Variants in NACA observed in about 807,000 individuals in gnomAD.
The protein encoded by NACA is nascent polypeptide associated complex subunit alpha.
NACA carries 42 observed loss-of-function variants against 86.4 expected under a neutral mutation model. The observed-to-expected ratio is 0.49, with a 90% CI of 0.38 to 0.63. NACA has a LOEUF of 0.63. Ranked by LOEUF, NACA falls within the 20% of genes least tolerant of loss-of-function variation. The probability of loss-of-function intolerance (pLI) is 0.00; values close to 1 mark genes in which losing one functional copy is unlikely to be tolerated. For synonymous variants in NACA, 898 were observed against 973.7 expected (o/e 0.92, Z 1.45); for missense variants, 2,157 against 2,483.6 (o/e 0.87, Z 2.80).
rs760619114 is a variant in NACA, at chr12:56,718,441, T to C, written c.3089A>G (p.Lys1030Arg). ...TGCAGCTGGGGGTGTGGATGCCCCTTTGGGGAATGGGGTAGCTGCTGGACT... is the reference window on the plus strand; with the variant it reads ...TGCAGCTGGGGGTGTGGATGCCCCTCTGGGGAATGGGGTAGCTGCTGGACT... Reference protein sequence around the residue: ...KGSPAATPFPKGASTPPAATP... With the variant: ...KGSPAATPFPRGASTPPAATP... Residue 1030 changes from lysine (K) to arginine (R), a missense_variant, in exon 3 of 9, where the codon AAA becomes AGA. Lys to Arg is a conservative substitution (Grantham distance 26, BLOSUM62 2). Transcript: ENST00000454682. 1.7e-6 allele frequency: 2 copies of C among 1,208,150 alleles called. No homozygotes were observed. Among genetic ancestry groups the C allele is most frequent in the Non-Finnish European group, 2.1e-6 (2 of 959,420 alleles). 74.8% of individuals were successfully genotyped at this position (1,208,150 alleles called of 1,614,324 possible). A position where few individuals can be genotyped will look rare whatever the true frequency, so the allele number is the denominator to read the frequency against.
chr12:56,724,324 C>T, intron 2 of NACA, 128 bp downstream of exon 2: 3 of 794,220 alleles, frequency 3.8e-6, no homozygotes, highest in African/African-American at 1.8e-5. Flanking sequence ...AGTAATTTTA[C>T]GGTCTATCCT....
In NACA at chr12:56,717,466, G is replaced by T. The variant is rs1953408717; in HGVS notation, c.4064C>A (p.Ser1355Tyr). ...GTPTLPATTP[S>Y]SKGGPTTPSS... is the part of the protein sequence containing the mutation. ...TGGAGTAGTTGGGCCTCCTTTAGAG[G>T]AGGGAGTTGTAGCTGGGAGAGTAGG... is the stretch of plus-strand genomic sequence containing the variant. Residue 1355 changes from serine to tyrosine, a missense_variant, in exon 3 of 9, where the codon TCC becomes TAC. Transcript: ENST00000454682. The T allele has an allele frequency of 7.2e-7, 1 of 1,383,040 alleles. No homozygotes were observed. The highest frequency in any genetic ancestry group is 1.5e-5 in the African/African-American group (1 of 68,326). 85.7% of individuals were successfully genotyped at this position (1,383,040 alleles called of 1,614,324 possible).
chr12:56,714,158 T>G, intron 5 of NACA: 1 of 563,602 alleles, frequency 1.8e-6, no homozygotes, highest in Non-Finnish European at 3.1e-6. Flanking sequence ...TTCTGTTACT[T>G]TCAACGGGAT....
rs76782323 is a variant in NACA, at chr12:56,724,358, C to T, written c.70+94G>A. ...CTCCTTGGTAAAGCTGCAACCCCAT[C>T]CTCCTAAAAAGTGTATTTCCCCTTG... is the stretch of plus-strand genomic sequence containing the variant. On this transcript the variant is annotated intron_variant, in intron 2 of 8. Coordinates refer to ENST00000454682, the MANE Select transcript of NACA (RefSeq NM_001365896.1). The T allele has an allele frequency of 2.9e-3, 3,631 of 1,258,252 alleles. 85 individuals are homozygous for T. The African/African-American group carries it at 0.049, about 17-fold the overall frequency. The allele number at this position is 1,258,252 out of a possible 1,614,324, so 77.9% of individuals were successfully genotyped here.
intron 3 of NACA, among the ~76,000 whole-genome samples, chr12:56,715,628 G>T (rs2926748): frequency 8.6e-5 from 13 of 151,706 alleles, no homozygotes; most frequent in Non-Finnish European, 1.2e-4. Context: ...AGGGTAGTCC[G>T]GGCCACATTA....
In NACA at chr12:56,716,583, G is replaced by T; in HGVS notation, c.4947C>A (p.Asp1649Glu). ...TGACAGAAGCTGGGGAAGTAGGGGA[G>T]TCTTTGAGGGAGGAAGGAGTCACAG... ...SPPVTPSSLK[D>E]SPTSPASVTC... The change falls in exon 3 of 9, where the codon GAC becomes GAA. Residue 1649 changes from aspartate to glutamate, a missense_variant. By Grantham distance (45) the Asp-to-Glu change is conservative (BLOSUM62 2). Transcript: ENST00000454682. 6.9e-7 allele frequency: 1 copy of T among 1,454,972 alleles called. No homozygotes were observed. The highest frequency in any genetic ancestry group is 9.3e-7 in the Non-Finnish European group (1 of 1,076,748). 90.1% of individuals were successfully genotyped at this position (1,454,972 alleles called of 1,614,324 possible).
chr12:56,724,594 T>C (rs1009810884), intron 1 of NACA, 71 bp from the exon 2 acceptor site: 6 of 1,506,146 alleles, frequency 4.0e-6, no homozygotes, highest in East Asian at 4.8e-5. Flanking sequence ...CGGAGATAAG[T>C]ATTCTTAAAA....
At chr12:56,715,840 C>T (rs1168300471) in intron 3 of NACA, 31 bp downstream of exon 3, 17 of 1,498,922 alleles carry the variant, frequency 1.1e-5, no homozygotes, top group Non-Finnish European at 1.4e-5. Flanking sequence ...ACGACAGACA[C>T]ACCATGCACA....
chr12:56,714,296 G>C, intron 5 of NACA, 66 bp downstream of exon 5: 1 of 1,529,006 alleles, frequency 6.5e-7, no homozygotes. Context: ...AAAACCTATG[G>C]AAATAAACAG....
At position 56,717,027 on chromosome 12, in the gene NACA, C is replaced by A; in HGVS notation, c.4503G>T (p.Gly1501=). ...KKAPATPAPM[G]APTLPAVIPS... The stretch of plus-strand genomic sequence containing the variant: ...GAATCACAGCTGGCAGAGTGGGGGC[C>A]CCCATGGGGGCTGGAGTTGCTGGGG... Residue 1501 remains glycine (G), a synonymous_variant, in exon 3 of 9, where the codon GGG becomes GGT. Transcript: ENST00000454682. The A allele has an allele frequency of 7.9e-7, 1 of 1,269,570 alleles. No individual in the cohort carries two copies. The highest frequency in any genetic ancestry group is 1.0e-6 in the Non-Finnish European group (1 of 989,550). The allele number at this position is 1,269,570 out of a possible 1,614,324, so 78.6% of individuals were successfully genotyped here. A position where few individuals can be genotyped will look rare whatever the true frequency, so the allele number is the denominator to read the frequency against.
Position 56,720,058 on chromosome 12 carries a change from T to C in NACA, c.1472A>G (p.Lys491Arg), listed in dbSNP as rs761859107. 1 of 1,613,636 alleles carries C rather than the reference T, an allele frequency of 6.2e-7. No homozygotes were observed. Reference sequence around the variant, plus strand: ...GGTTGCTACTTGAGTAGAAGGCTCTTTGGGAGCCACAGGTGCCATAACCAA... The same window carrying C: ...GGTTGCTACTTGAGTAGAAGGCTCTCTGGGAGCCACAGGTGCCATAACCAA... ...AALVMAPVAPKEPSTQVATTL... is the reference protein window; with the variant it reads ...AALVMAPVAPREPSTQVATTL... The change falls in exon 3 of 9, where the codon AAA becomes AGA. Residue 491 changes from lysine (K) to arginine (R), a missense_variant. Transcript: ENST00000454682.
chr12:56,713,309 G>T, intron 6 of NACA, 119 bp from the exon 7 acceptor site: 1 of 1,342,564 alleles, frequency 7.4e-7, no homozygotes, highest in Non-Finnish European at 1.0e-6. Context: ...GCTTTAAACT[G>T]CTTGCCCTCA....
rs1953488766 is a variant in NACA, at chr12:56,718,966, G to A, written c.2564C>T (p.Ser855Phe). 6.9e-7 allele frequency: 1 copy of A among 1,447,104 alleles called. No individual in the cohort carries two copies. The highest frequency in any genetic ancestry group is 1.4e-5 in the African/African-American group (1 of 71,480). 89.6% of individuals were successfully genotyped at this position (1,447,104 alleles called of 1,614,324 possible). The change falls in exon 3 of 9, where the codon TCT becomes TTT. Residue 855 changes from serine (S) to phenylalanine (F), a missense_variant. Physicochemically the swap from Ser to Phe is radical, Grantham distance 155 (BLOSUM62 -2). Coordinates refer to ENST00000454682, the MANE Select transcript of NACA (RefSeq NM_001365896.1). ...GSKDSPATTH[S>F]PTPPSPKGAP... The stretch of plus-strand genomic sequence containing the variant: ...CCCTTTGGGGGATGGAGGAGTGGGA[G>A]AATGCGTCGTGGCTGGTGAGTCTTT...
chr12:56,715,966 A>T lies in NACA; in HGVS notation c.5564T>A (p.Phe1855Tyr). The change falls in exon 3 of 9, where the codon TTC becomes TAC. Residue 1855 changes from phenylalanine to tyrosine, a missense_variant. Transcript: ENST00000454682. Reference sequence around the variant, plus strand: ...GGGCATGTTGACGAGGACCGACTGGAAAGGCACTCCCCCAGAGATTGGTTC... The same window carrying T: ...GGGCATGTTGACGAGGACCGACTGGTAAGGCACTCCCCCAGAGATTGGTTC... ...PPEPISGGVPFQSVLVNMPTP... is the reference protein window; with the variant it reads ...PPEPISGGVPYQSVLVNMPTP... The T allele has an allele frequency of 3.2e-6, 5 of 1,555,032 alleles. No individual in the cohort carries two copies. Among genetic ancestry groups the T allele is most frequent in the Non-Finnish European group, 4.3e-6 (5 of 1,149,756 alleles).
Position 56,720,386 on chromosome 12 carries a change from C to A in NACA, c.1144G>T (p.Asp382Tyr). The A allele has an allele frequency of 3.1e-6, 5 of 1,613,842 alleles. No individual in the cohort carries two copies. Among genetic ancestry groups the A allele is most frequent in the Non-Finnish European group, 4.2e-6 (5 of 1,179,846 alleles). ...CTAGAGATGGTAGAGGGACCTTTGT[C>A]AACAGATGGAGCCACCACTGGAAAG... ...AAFPVVAPSVDKGPSTISSIT... is the reference protein window; with the variant it reads ...AAFPVVAPSVYKGPSTISSIT... The change falls in exon 3 of 9, where the codon GAC becomes TAC. Residue 382 changes from aspartate (D) to tyrosine (Y), a missense_variant. Physicochemically the swap from Asp to Tyr is radical, Grantham distance 160. Coordinates refer to ENST00000454682, the MANE Select transcript of NACA (RefSeq NM_001365896.1).
In NACA at chr12:56,721,163, T is replaced by C. The variant is rs1353383131; in HGVS notation, c.367A>G (p.Ile123Val). The change falls in exon 3 of 9, where the codon ATA becomes GTA. Residue 123 changes from isoleucine (I) to valine (V), a missense_variant. Physicochemically the swap from Ile to Val is conservative, Grantham distance 29. Coordinates refer to ENST00000454682, the MANE Select transcript of NACA (RefSeq NM_001365896.1). ...GGGGTCCCTTTCAGAGTTGGAGCTATCATGGGAGAGGCTAGAGCTAAGGCA... is the reference window on the plus strand; with the variant it reads ...GGGGTCCCTTTCAGAGTTGGAGCTACCATGGGAGAGGCTAGAGCTAAGGCA... The part of the protein sequence containing the change: ...PAALALASPM[I>V]APTLKGTPSS... 1.9e-6 allele frequency: 3 copies of C among 1,613,684 alleles called. No individual in the cohort carries two copies. Among genetic ancestry groups the C allele is most frequent in the Admixed American group, 3.3e-5 (2 of 59,960 alleles).
chr12:56,717,056 T>C lies in NACA; in HGVS notation c.4474A>G (p.Lys1492Glu). ...KQVATSSSPK[K>E]APATPAPMGA... The stretch of plus-strand genomic sequence containing the variant: ...ATGGGGGCTGGAGTTGCTGGGGCCT[T>C]TTTGGGAGAGGAAGAAGTGGCAACT... The change falls in exon 3 of 9, where the codon AAG becomes GAG. Residue 1492 changes from lysine to glutamate, a missense_variant. Physicochemically the swap from Lys to Glu is moderately conservative, Grantham distance 56. Transcript: ENST00000454682. 3 of 1,225,082 alleles carry C rather than the reference T, an allele frequency of 2.4e-6. No individual in the cohort carries two copies. Among genetic ancestry groups the C allele is most frequent in the Non-Finnish European group, 3.1e-6 (3 of 964,714 alleles). 75.9% of individuals were successfully genotyped at this position (1,225,082 alleles called of 1,614,324 possible).
At chr12:56,714,163 CG>C in intron 5 of NACA, 198 bp downstream of exon 5, 1 of 568,396 alleles carries the variant, frequency 1.8e-6, no homozygotes, top group Admixed American at 3.1e-5. Context: ...TTACTTTCAA[CG>C]GGATTCTACC....
In NACA at chr12:56,714,419, A is replaced by T. The variant is rs4902; in HGVS notation, c.5766T>A (p.Ile1922=). ...QQAQLAAAAE[I]DEEPVSKAKQ... is the part of the protein sequence containing the mutation. ...TTGCTTTACTGACTGGTTCTTCATC[A>T]ATTTCAGCTGCTGCCGCCAGCTAAG... The change falls in exon 5 of 9, where the codon ATT becomes ATA. Residue 1922 remains isoleucine, a synonymous_variant. Transcript: ENST00000454682. 6.2e-7 allele frequency: 1 copy of T among 1,613,894 alleles called. No homozygotes were observed. The highest frequency in any genetic ancestry group is 8.5e-7 in the Non-Finnish European group (1 of 1,179,940).
Sources: allele counts gnomAD v4.1 joint callset (sites outside exome capture counted in the v4.1 genomes callset), GRCh38; gene constraint gnomAD v4.1.1; transcripts MANE v1.5; gene names NCBI Gene and HGNC (gene_info 2026-07-23, HGNC 2026-07-21).